FKBP3: variants seen among roughly 807,000 people sequenced by gnomAD.
FKBP3 encodes the protein FKBP prolyl isomerase 3.
Under a neutral mutation model 30.6 loss-of-function variants are expected in FKBP3, and 21 were observed. The ratio of observed to expected loss-of-function variants is 0.69; its 90% confidence interval spans 0.49 to 0.99. The LOEUF is 0.99. FKBP3 is among the 50% of genes least tolerant of loss of function. The pLI, the probability that FKBP3 is intolerant of heterozygous loss-of-function variation, is 0.00. For missense variants in FKBP3, 283 were observed against 261.6 expected (o/e 1.08, Z -0.56); for synonymous variants, 82 against 91.3 (o/e 0.90, Z 0.58).
chr14:45,133,855 C>A (rs1220133369), intron 1 of FKBP3, among the ~76,000 whole-genome samples: 1 of 152,176 alleles, frequency 6.6e-6, no homozygotes, highest in African/African-American at 2.4e-5. Context: ...AAACTTAAAC[C>A]ACAACCTACG....
At chr14:45,122,768 G>A (rs1333637265) in intron 3 of FKBP3, among the ~76,000 whole-genome samples, 2 of 152,018 alleles carry the variant, frequency 1.3e-5, no homozygotes, top group African/African-American at 4.8e-5. Context: ...CTCCCAAAGT[G>A]TTGGGATTAC....
chr14:45,121,673 A>T, intron 3 of FKBP3, 53 bp from the exon 4 acceptor site: 1 of 1,573,704 alleles, frequency 6.4e-7, no homozygotes, highest in Non-Finnish European at 8.6e-7. Flanking sequence ...GTGTCCTTTA[A>T]AAGAATGACA....
At chr14:45,121,726 T>C in intron 3 of FKBP3, 106 bp from the exon 4 acceptor site, 3 of 1,290,142 alleles carry the variant, frequency 2.3e-6, no homozygotes, top group Middle Eastern at 2.1e-4. Flanking sequence ...AAGAGTTTGA[T>C]GGATTTGGTA....
At chr14:45,119,851 A>C (rs576151948) in intron 5 of FKBP3, among the ~76,000 whole-genome samples, 5 of 151,836 alleles carry the variant, frequency 3.3e-5, no homozygotes, top group Admixed American at 6.6e-5. Flanking sequence ...CCATGCCCAG[A>C]TAATTTTTTG....
At chr14:45,121,321 A>G (rs1884979617) in intron 4 of FKBP3, among the ~76,000 whole-genome samples, 164 bp downstream of exon 4, 1 of 152,194 alleles carries the variant, frequency 6.6e-6, no homozygotes, top group Non-Finnish European at 1.5e-5. Context: ...CCAGCCAATA[A>G]TCAGTGAACT....
rs1885072367 is a variant in FKBP3, at chr14:45,125,267, G to GGCTTT, written c.319-3648_319-3647insAAAGC. On this transcript the variant is annotated intron_variant, in intron 3 of 6. Transcript: ENST00000396062. ...TGACTGAAATATAAAAAATGACTTGGGAAGCAAAAGTAGAAGTGGAGAGAC... is the reference window on the plus strand; with the variant it reads ...TGACTGAAATATAAAAAATGACTTGGGCTTTGAAGCAAAAGTAGAAGTGGAGAGAC... Among the ~76,000 whole-genome samples the GGCTTT allele has an allele frequency of 2.0e-5, 3 of 152,276 alleles. No homozygotes were observed. The South Asian group carries it at 6.2e-4, about 32-fold the overall frequency.
At position 45,121,622 on chromosome 14, in the gene FKBP3, T is replaced by C. The variant is rs1368655110; in HGVS notation, c.319-2A>G. 4.3e-6 allele frequency: 7 copies of C among 1,611,476 alleles called. No individual in the cohort carries two copies. The highest frequency in any genetic ancestry group is 5.9e-6 in the Non-Finnish European group (7 of 1,179,200). Reference sequence around the variant, plus strand: ...AGATTTAGTATATTTTGGTGGACCCTAAAAACAAAAAACAACACACACACA... The same window carrying C: ...AGATTTAGTATATTTTGGTGGACCCCAAAAACAAAAAACAACACACACACA... On this transcript the variant is annotated splice_acceptor_variant, in intron 3 of 6. Transcript: ENST00000396062. LOFTEE classifies it high-confidence loss of function.
chr14:45,120,050 T>C (rs1224954684), intron 5 of FKBP3, among the ~76,000 whole-genome samples: 3 of 152,192 alleles, frequency 2.0e-5, no homozygotes, highest in Middle Eastern at 3.2e-3. Flanking sequence ...ATGTTTTATA[T>C]TCTGTATATG....
chr14:45,131,661 T>C (rs1351202099), intron 1 of FKBP3, among the ~76,000 whole-genome samples: 1 of 147,068 alleles, frequency 6.8e-6, no homozygotes, highest in Non-Finnish European at 1.5e-5. Flanking sequence ...AAATCCTAGC[T>C]GTCTGACACT....
At position 45,116,069 on chromosome 14, in the gene FKBP3, T is replaced by C. The variant is rs1184653704; in HGVS notation, c.*129A>G. The stretch of plus-strand genomic sequence containing the variant: ...GCTGGGACCAAGTAAACAAATTTTA[T>C]TAACTCCTTGAATTTTCCAGTTGAC... On this transcript the variant is annotated 3_prime_UTR_variant, in exon 7 of 7. Transcript: ENST00000396062. 1 of 645,404 alleles carries C rather than the reference T, an allele frequency of 1.5e-6. No individual in the cohort carries two copies. Among genetic ancestry groups the C allele is most frequent in the Non-Finnish European group, 2.7e-6 (1 of 364,154 alleles). The allele number at this position is 645,404 out of a possible 1,614,324, so 40.0% of individuals were successfully genotyped here. A position where few individuals can be genotyped will look rare whatever the true frequency, so the allele number is the denominator to read the frequency against.
intron 3 of FKBP3, among the ~76,000 whole-genome samples, chr14:45,128,845 G>A (rs1885155344): frequency 6.6e-6 from 1 of 152,074 alleles, no homozygotes; most frequent in Admixed American, 6.6e-5. Flanking sequence ...TAATTTCCTG[G>A]AGGGTGAACT....
chr14:45,117,598 A>T (rs1212518536), intron 6 of FKBP3, among the ~76,000 whole-genome samples: 1 of 152,186 alleles, frequency 6.6e-6, no homozygotes, highest in Non-Finnish European at 1.5e-5. Flanking sequence ...CACAACTGGT[A>T]ATCTCCCACA....
At chr14:45,132,252 C>G (rs954274925) in intron 1 of FKBP3, among the ~76,000 whole-genome samples, 1 of 152,116 alleles carries the variant, frequency 6.6e-6, no homozygotes, top group African/African-American at 2.4e-5. Flanking sequence ...CGGAAGTAAT[C>G]AGTTACCTTT....
rs779535356 is a variant in FKBP3 at position 45,116,271 on chromosome 14, T to A, written c.621-19A>T. 6.2e-7 allele frequency: 1 copy of A among 1,604,266 alleles called. No homozygotes were observed. The highest frequency in any genetic ancestry group is 8.5e-7 in the Non-Finnish European group (1 of 1,171,252). ...TGGAATTCTGTTGAAGAAGTCAAGG[T>A]ACATTTGATAAAAAGTGCCTCTCCC... On this transcript the variant is annotated intron_variant, in intron 6 of 6. Coordinates refer to ENST00000396062, the MANE Select transcript of FKBP3 (RefSeq NM_002013.4).
At chr14:45,116,347 A>C in intron 6 of FKBP3, 95 bp from the exon 7 acceptor site, 1 of 829,532 alleles carries the variant, frequency 1.2e-6, no homozygotes, top group East Asian at 2.5e-5. Context: ...GGCTCACTAG[A>C]TAAATTGAGC....
rs755542382 is a variant in FKBP3 at position 45,130,943 on chromosome 14, CTT to C, written c.109-145_109-144del. ...AGAAATAAAGCCTATAGTTTATACT[CTT>C]TGTTACAAAAAAAGTAAGAGATTTT... is the stretch of plus-strand genomic sequence containing the variant. On this transcript the variant is annotated intron_variant, in intron 1 of 6. Coordinates refer to ENST00000396062, the MANE Select transcript of FKBP3 (RefSeq NM_002013.4). 233 of 487,950 alleles carry C rather than the reference CTT, an allele frequency of 4.8e-4. 1 individual carries two copies. The Middle Eastern group carries it at 9.7e-3, about 20-fold the overall frequency. 30.2% of individuals were successfully genotyped at this position (487,950 alleles called of 1,614,324 possible).
chr14:45,124,325 G>A (rs1885050800), intron 3 of FKBP3, among the ~76,000 whole-genome samples: 1 of 152,110 alleles, frequency 6.6e-6, no homozygotes. Context: ...GAGGTCAGGA[G>A]TTCGGGACCA....
intron 3 of FKBP3, among the ~76,000 whole-genome samples, chr14:45,123,534 G>A (rs922471931): frequency 6.8e-6 from 1 of 146,696 alleles, no homozygotes; most frequent in African/African-American, 2.5e-5. Flanking sequence ...GTTTCATATG[G>A]ACCAACCCCA....
chr14:45,131,017 A>G lies in FKBP3; in HGVS notation c.109-217T>C, dbSNP rs115209009. The G allele has an allele frequency of 7.4e-4, 323 of 434,922 alleles. 2 individuals carry two copies. The highest frequency in any genetic ancestry group is 5.9e-3 in the African/African-American group (292 of 49,418). The allele number at this position is 434,922 out of a possible 1,614,324, so 26.9% of individuals were successfully genotyped here. A position where few individuals can be genotyped will look rare whatever the true frequency, so the allele number is the denominator to read the frequency against. On this transcript the variant is annotated intron_variant, in intron 1 of 6. Coordinates refer to ENST00000396062, the MANE Select transcript of FKBP3 (RefSeq NM_002013.4). ...GAATTAGTGACAAGACTGCAACTGT[A>G]GTGTTATGTACTGAACACAGTGTTT...
Sources: allele counts gnomAD v4.1 joint callset (sites outside exome capture counted in the v4.1 genomes callset), GRCh38; gene constraint gnomAD v4.1.1; transcripts MANE v1.5; gene names NCBI Gene and HGNC (gene_info 2026-07-23, HGNC 2026-07-21).